KCP: variants seen among roughly 807,000 people sequenced by gnomAD.
The protein encoded by KCP is kielin cysteine rich BMP regulator, also known as kielin/chordin-like protein.
In KCP, 194 loss-of-function variants were observed where a neutral mutation model predicts 212.7. That is an observed-to-expected ratio of 0.91 (90% CI 0.81 to 1.03). The LOEUF (loss-of-function observed/expected upper bound fraction) is 1.03, where lower values mean the gene tolerates loss of function less well. Among genes scored for constraint, KCP ranks in the 50% least tolerant of loss-of-function variants. The pLI is 0.00. For missense variants in KCP, 2,080 were observed against 2,162.5 expected, an observed-to-expected ratio of 0.96 and a Z score of 0.76; for synonymous variants, 833 against 865.3, an observed-to-expected ratio of 0.96 and a Z score of 0.65.
intron 26 of KCP, among the ~76,000 whole-genome samples, chr7:128,886,072 TTTTG>T (rs1793628375): frequency 6.6e-6 from 1 of 151,894 alleles, no homozygotes; most frequent in Non-Finnish European, 1.5e-5. Context: ...AGGGGCAGCT[TTTTG>T]TTTTATTTTT....
chr7:128,897,340 G>A (rs921215497), intron 8 of KCP, among the ~76,000 whole-genome samples: 1 of 152,232 alleles, frequency 6.6e-6, no homozygotes, highest in Non-Finnish European at 1.5e-5. Context: ...TTGGGAACTT[G>A]ACCTTGTAAC....
Position 128,879,985 on chromosome 7 carries a change from TCGAAGGTGCGGTAATGGGGGTCTC to T in KCP, c.3836_3859del (p.Gly1279_Phe1286del). ...GCCCTGGAAGTGCAGCAGGCGGCCG[TCGAAGGTGCGGTAATGGGGGTCTC>T]CGAAGGCCATGCAGGAAGCGGGCCG... is the stretch of plus-strand genomic sequence containing the variant. On this transcript the variant is annotated inframe_deletion, in exon 35 of 40. Transcript: ENST00000610776. 1 of 1,550,542 alleles carries T rather than the reference TCGAAGGTGCGGTAATGGGGGTCTC, an allele frequency of 6.4e-7. No homozygotes were observed. The highest frequency in any genetic ancestry group is 8.7e-7 in the Non-Finnish European group (1 of 1,146,926).
intron 5 of KCP, 113 bp downstream of exon 5, chr7:128,906,166 A>C (rs1795108195): frequency 1.2e-6 from 1 of 853,494 alleles, no homozygotes; most frequent in Non-Finnish European, 1.9e-6. Flanking sequence ...CCACTGTCAG[A>C]GTGAGTGGGT....
At chr7:128,887,352 T>C in intron 22 of KCP, 52 bp from the exon 23 acceptor site, 1 of 1,331,722 alleles carries the variant, frequency 7.5e-7, no homozygotes, top group Non-Finnish European at 1.1e-6. Flanking sequence ...GAACCTCCAC[T>C]GTCACACACA....
At chr7:128,888,812 G>A in intron 22 of KCP, 51 bp downstream of exon 22, 1 of 1,511,738 alleles carries the variant, frequency 6.6e-7, no homozygotes, top group South Asian at 1.2e-5. Flanking sequence ...CGGTGAGAAA[G>A]GCACCCCGGG....
rs1039307063 is a variant in KCP at position 128,881,941 on chromosome 7, C to T, written c.3320G>A (p.Cys1107Tyr). Residue 1107 changes from cysteine (C) to tyrosine (Y), a missense_variant, in exon 30 of 40, where the codon TGC (cysteine) becomes TAC (tyrosine). Physicochemically the swap from Cys to Tyr is radical, Grantham distance 194. Coordinates refer to ENST00000610776, the MANE Select transcript of KCP (RefSeq NM_001366122.1). ...APPDPCYTCQ[C>Y]QDLTWLCIHQ... ...CCCCAAGGCAGGAGGGCTCACCTGGCACTGGCACGTGTAGCAGGGGTCTGG... is the reference window on the plus strand; with the variant it reads ...CCCCAAGGCAGGAGGGCTCACCTGGTACTGGCACGTGTAGCAGGGGTCTGG... 1.7e-5 allele frequency: 27 copies of T among 1,551,244 alleles called. No homozygotes were observed. The highest frequency in any genetic ancestry group is 2.3e-5 in the Non-Finnish European group (26 of 1,146,908).
intron 8 of KCP, 93 bp downstream of exon 8, chr7:128,902,684 C>A (rs1452973451): frequency 7.5e-6 from 9 of 1,197,592 alleles, no homozygotes; most frequent in South Asian, 1.3e-5. Flanking sequence ...CCCCTCTCAA[C>A]ACCTCTGCGA....
rs1585206889 is a variant in KCP, at chr7:128,886,569, G to T, written c.2773-12C>A. 5.2e-6 allele frequency: 8 copies of T among 1,551,054 alleles called. No homozygotes were observed. Among genetic ancestry groups the T allele is most frequent in the Non-Finnish European group, 7.0e-6 (8 of 1,146,592 alleles). On this transcript the variant is annotated splice_polypyrimidine_tract_variant and intron_variant, in intron 25 of 39. Transcript: ENST00000610776. ...CTGACCTGGCCAGCCTGTAGGAGAT[G>T]CAGGGACACTGGCTCGCTGCCTAGG...
intron 8 of KCP, among the ~76,000 whole-genome samples, chr7:128,895,008 G>A (rs1412503406): frequency 3.3e-5 from 5 of 152,200 alleles, no homozygotes; most frequent in East Asian, 1.9e-4. Flanking sequence ...GCCAAGGAAT[G>A]CCAGAGTTCA....
chr7:128,906,986 G>T, intron 4 of KCP, 115 bp downstream of exon 4: 1 of 1,005,568 alleles, frequency 9.9e-7, no homozygotes, highest in Non-Finnish European at 1.5e-6. Context: ...GTGGCAAGGT[G>T]TGGGAGTGGC....
intron 5 of KCP, among the ~76,000 whole-genome samples, chr7:128,905,413 C>T (rs1226651452): frequency 6.6e-6 from 1 of 152,264 alleles, no homozygotes; most frequent in African/African-American, 2.4e-5. Flanking sequence ...ACCTCCTCTT[C>T]CTCCCAGCTC....
rs1332237015 is a variant in KCP at position 128,891,689 on chromosome 7, A to T, written c.1752T>A (p.Cys584Ter). Reference protein sequence around the residue: ...CQPRPCPRAPCAHPLPGTCCP... With the variant: ...CQPRPCPRAP Reference sequence around the variant, plus strand: ...AGCAGGTCCCAGGCAGCGGGTGGGCACAGGGGGCCCTGGGGCAGGGGCGAG... The same window carrying T: ...AGCAGGTCCCAGGCAGCGGGTGGGCTCAGGGGGCCCTGGGGCAGGGGCGAG... Residue 584 changes from cysteine (C) to a stop codon, truncating the protein, a stop_gained, in exon 17 of 40, where the codon TGT becomes TGA. Transcript: ENST00000610776. LOFTEE classifies it high-confidence loss of function. 2.1e-6 allele frequency: 3 copies of T among 1,452,972 alleles called. No homozygotes were observed. The allele number at this position is 1,452,972 out of a possible 1,614,324, so 90.0% of individuals were successfully genotyped here. A position where few individuals can be genotyped will look rare whatever the true frequency, so the allele number is the denominator to read the frequency against.
rs1563056047 is a variant in KCP at position 128,907,473 on chromosome 7, T to G, written c.220-20A>C. ...CTTATTCTGGAGGAAGGAGATGGAA[T>G]AGCAGGCACTGGCTCAGCTTCCCCC... On this transcript the variant is annotated intron_variant, in intron 2 of 39. Coordinates refer to ENST00000610776, the MANE Select transcript of KCP (RefSeq NM_001366122.1). 1 of 1,429,696 alleles carries G rather than the reference T, an allele frequency of 7.0e-7. No individual in the cohort carries two copies. Among genetic ancestry groups the G allele is most frequent in the Admixed American group, 2.7e-5 (1 of 36,620 alleles). The allele number at this position is 1,429,696 out of a possible 1,614,324, so 88.6% of individuals were successfully genotyped here. A position where few individuals can be genotyped will look rare whatever the true frequency, so the allele number is the denominator to read the frequency against.
chr7:128,888,349 TACACAG>T (rs1793851495), intron 22 of KCP, among the ~76,000 whole-genome samples: 1 of 43,678 alleles, frequency 2.3e-5, no homozygotes, highest in South Asian at 7.2e-4. Context: ...CACACACACA[TACACAG>T]ATACACCCAA....
intron 11 of KCP, 126 bp from the exon 12 acceptor site, chr7:128,893,602 C>A: frequency 2.1e-6 from 2 of 960,110 alleles, no homozygotes; most frequent in Non-Finnish European, 3.1e-6. Flanking sequence ...GGGCGCCCTG[C>A]CAGCAGCCCC....
Position 128,881,090 on chromosome 7 carries a change from G to C in KCP, c.3425-5C>G, listed in dbSNP as rs184933011. The C allele has an allele frequency of 2.5e-6, 1 of 398,712 alleles. No homozygotes were observed. The highest frequency in any genetic ancestry group is 4.4e-6 in the Non-Finnish European group (1 of 226,228). 24.7% of individuals were successfully genotyped at this position (398,712 alleles called of 1,614,324 possible). A position where few individuals can be genotyped will look rare whatever the true frequency, so the allele number is the denominator to read the frequency against. On this transcript the variant is annotated splice_region_variant and splice_polypyrimidine_tract_variant and intron_variant, in intron 31 of 39. Transcript: ENST00000610776. ...CCTCGGCCTCCACCACACATTCTGA[G>C]GGGGGAGACATGGGATGGGCAGGCA...
In KCP at chr7:128,886,742, G is replaced by A. The variant is rs1793671050; in HGVS notation, c.2690-5C>T. ...CCCGGCCCTGAGAGAGACAGCCTGT[G>A]GGGGACACACCTCCTGGGTGGGGGG... On this transcript the variant is annotated splice_polypyrimidine_tract_variant and splice_region_variant and intron_variant, in intron 24 of 39. Coordinates refer to ENST00000610776, the MANE Select transcript of KCP (RefSeq NM_001366122.1). 1.3e-6 allele frequency: 2 copies of A among 1,551,444 alleles called. No homozygotes were observed. Among genetic ancestry groups the A allele is most frequent in the Non-Finnish European group, 1.7e-6 (2 of 1,146,796 alleles).
chr7:128,877,202 G>C lies in KCP; in HGVS notation c.4728C>G (p.Cys1576Trp), dbSNP rs567302036. 6 of 1,481,800 alleles carry C rather than the reference G, an allele frequency of 4.0e-6. No individual in the cohort carries two copies. Among genetic ancestry groups the C allele is most frequent in the Middle Eastern group, 3.8e-4 (2 of 5,270 alleles). The allele number at this position is 1,481,800 out of a possible 1,614,324, so 91.8% of individuals were successfully genotyped here. A position where few individuals can be genotyped will look rare whatever the true frequency, so the allele number is the denominator to read the frequency against. ...HIPLGELAAHCVRPCVPGCQC... is the reference protein window; with the variant it reads ...HIPLGELAAHWVRPCVPGCQC... ...GGCAGCCGGGCACGCAGGGCCTCAC[G>C]CAGTGGGCTGCCAGCTCCCCCAGGG... Residue 1576 changes from cysteine to tryptophan, a missense_variant, in exon 40 of 40, where the codon TGC becomes TGG. Transcript: ENST00000610776.
intron 8 of KCP, among the ~76,000 whole-genome samples, chr7:128,895,735 G>A (rs1446224297): frequency 6.6e-6 from 1 of 152,208 alleles, no homozygotes; most frequent in African/African-American, 2.4e-5. Context: ...GTGACCTCTG[G>A]TCGTCCTCAC....
Sources: gnomAD v4.1 joint callset for allele counts (sites outside exome capture counted in the v4.1 genomes callset) on GRCh38, gnomAD v4.1.1 for gene constraint, MANE v1.5 for transcripts, NCBI Gene and HGNC (gene_info 2026-07-23, HGNC 2026-07-21) for gene names.